ABCC4: variants seen among roughly 807,000 people sequenced by gnomAD.
ABCC4 encodes ATP binding cassette subfamily C member 4 (PEL blood group).
ABCC4 carries 102 observed loss-of-function variants against 168.5 expected under a neutral mutation model. The observed-to-expected ratio is 0.61, with a 90% CI of 0.52 to 0.71. ABCC4 has a LOEUF of 0.71. Among genes scored for constraint, ABCC4 ranks in the 30% least tolerant of loss-of-function variants. The pLI is 0.00. For synonymous variants in ABCC4, 617 were observed against 590.7 expected, an observed-to-expected ratio of 1.04 and a Z score of -0.65; for missense variants, 1,402 against 1,605.8, an observed-to-expected ratio of 0.87 and a Z score of 2.17.
At chr13:95,124,050 T>C (rs1229178857) in intron 19 of ABCC4, among the ~76,000 whole-genome samples, 2 of 152,148 alleles carry the variant, frequency 1.3e-5, no homozygotes, top group Non-Finnish European at 2.9e-5. Flanking sequence ...TAAGGTGTGC[T>C]GATAGGAGAG....
chr13:95,235,257 G>A (rs2138760709), intron 3 of ABCC4, among the ~76,000 whole-genome samples: 1 of 152,224 alleles, frequency 6.6e-6, no homozygotes, highest in South Asian at 2.1e-4. Context: ...TAAAAGAAAA[G>A]CAGAACTGTT....
intron 3 of ABCC4, among the ~76,000 whole-genome samples, chr13:95,237,062 C>T (rs989930340): frequency 5.9e-5 from 9 of 152,172 alleles, no homozygotes; most frequent in Admixed American, 1.3e-4. Context: ...ACCTGTTACA[C>T]GCTTCTCCAT....
At chr13:95,136,475 G>C (rs1415786825) in intron 19 of ABCC4, among the ~76,000 whole-genome samples, 1 of 152,160 alleles carries the variant, frequency 6.6e-6, no homozygotes, top group Non-Finnish European at 1.5e-5. Context: ...TTTGAAAAAA[G>C]AAAGAGAAGC....
chr13:95,161,368 G>A, intron 18 of ABCC4, 33 bp from the exon 19 acceptor site: 1 of 1,473,946 alleles, frequency 6.8e-7, no homozygotes, highest in Non-Finnish European at 9.0e-7. Flanking sequence ...AGAGAACACA[G>A]CATATCTCTG....
At chr13:95,233,766 A>AT (rs1235901589) in intron 4 of ABCC4, among the ~76,000 whole-genome samples, 4 of 152,206 alleles carry the variant, frequency 2.6e-5, no homozygotes, top group African/African-American at 7.2e-5. Flanking sequence ...GCATCCTCCA[A>AT]TTTTTTTGTA....
chr13:95,043,503 G>C (rs536823587), intron 29 of ABCC4, 179 bp downstream of exon 29: 17 of 511,380 alleles, frequency 3.3e-5, no homozygotes, highest in Non-Finnish European at 4.9e-5. Flanking sequence ...AGATACATTG[G>C]ATATATTGTT....
intron 1 of ABCC4, among the ~76,000 whole-genome samples, chr13:95,291,511 T>C (rs1420275289): frequency 6.6e-6 from 1 of 152,186 alleles, no homozygotes; most frequent in Admixed American, 6.6e-5. Context: ...TGCCACAACC[T>C]AGAGGACATT....
At chr13:95,250,062 C>A (rs923873224) in intron 1 of ABCC4, among the ~76,000 whole-genome samples, 1 of 152,208 alleles carries the variant, frequency 6.6e-6, no homozygotes, top group Non-Finnish European at 1.5e-5. Flanking sequence ...TGGGTACCAG[C>A]AAGAGCTAAA....
At chr13:95,218,937 G>GA (rs1491298008) in intron 4 of ABCC4, among the ~76,000 whole-genome samples, 2 of 23,736 alleles carry the variant, frequency 8.4e-5, no homozygotes, top group Admixed American at 3.6e-4. Context: ...GAGAAAGAAA[G>GA]AAAGAAAGAA....
rs567765830 is a variant in ABCC4 at position 95,186,884 on chromosome 13, C to A, written c.1362G>T (p.Leu454=). 8.1e-6 allele frequency: 13 copies of A among 1,610,140 alleles called. No individual in the cohort carries two copies. The highest frequency in any genetic ancestry group is 3.3e-4 in the Middle Eastern group (2 of 6,064). The change falls in exon 11 of 31, where the codon CTG becomes CTT. Residue 454 remains leucine, a synonymous_variant. Transcript: ENST00000645237. ...VGPVGAGKSS[L]LSAVLGELAP... ...CCAATTCCCCGAGCACGGCACTTAA[C>A]AGTGATGACTGAAACAGATTGTAAA...
At chr13:95,075,341 T>A in intron 22 of ABCC4, 91 bp downstream of exon 22, 1 of 1,553,204 alleles carries the variant, frequency 6.4e-7, no homozygotes, top group Non-Finnish European at 8.8e-7. Flanking sequence ...GGCCCTGAGG[T>A]GCCTGCCAAC....
chr13:95,049,312 C>T (rs566420623), intron 27 of ABCC4, among the ~76,000 whole-genome samples: 13 of 150,298 alleles, frequency 8.6e-5, no homozygotes, highest in African/African-American at 2.7e-4. Context: ...CCAGCCTGGG[C>T]GACAGAGCAA....
intron 4 of ABCC4, among the ~76,000 whole-genome samples, chr13:95,212,711 T>C (rs1442097743): frequency 1.3e-5 from 2 of 151,680 alleles, no homozygotes; most frequent in African/African-American, 2.4e-5. Flanking sequence ...CGGGTTGTAA[T>C]AGAAGTTAAC....
Position 95,115,915 on chromosome 13 carries a change from A to C in ABCC4, c.2535+7T>G. 2 of 1,609,966 alleles carry C rather than the reference A, an allele frequency of 1.2e-6. No homozygotes were observed. Among genetic ancestry groups the C allele is most frequent in the Non-Finnish European group, 1.7e-6 (2 of 1,177,644 alleles). The stretch of plus-strand genomic sequence containing the variant: ...ATTTGAGATCCTGACATTACTCTCA[A>C]CGTTACCTGGATGAAATCTAAAAAC... On this transcript the variant is annotated splice_region_variant and intron_variant, in intron 20 of 30. Coordinates refer to ENST00000645237, the MANE Select transcript of ABCC4 (RefSeq NM_005845.5).
chr13:95,026,353 AC>A lies in ABCC4; in HGVS notation c.3871-4672del, dbSNP rs764451401. Among the ~76,000 whole-genome samples the A allele has an allele frequency of 3.2e-3, 403 of 125,296 alleles. 3 individuals are homozygous for A. The highest frequency in any genetic ancestry group is 2.1e-3 in the Non-Finnish European group (111 of 53,440). 82.2% of individuals were successfully genotyped at this position (125,296 alleles called of 152,430 possible). ...ACACAGGATAGGATTGAGCAAACAA[AC>A]AAAATAACTAAAAGTTAATAAAGAA... On this transcript the variant is annotated intron_variant, in intron 30 of 30. Coordinates refer to ENST00000645237, the MANE Select transcript of ABCC4 (RefSeq NM_005845.5).
intron 19 of ABCC4, among the ~76,000 whole-genome samples, chr13:95,149,140 T>G (rs538263269): frequency 9.6e-4 from 146 of 152,330 alleles, no homozygotes; most frequent in Non-Finnish European, 1.7e-3. Flanking sequence ...GTGTTCCCTT[T>G]TATTACCCCG....
chr13:95,072,712 C>T (rs1044579623), intron 24 of ABCC4, among the ~76,000 whole-genome samples: 2 of 152,218 alleles, frequency 1.3e-5, no homozygotes, highest in Non-Finnish European at 2.9e-5. Flanking sequence ...CAAGAGGAGG[C>T]TTTCTGTACC....
rs746407053 is a variant in ABCC4, at chr13:95,209,598, C to T, written c.622-1G>A. 1.2e-6 allele frequency: 2 copies of T among 1,609,288 alleles called. No homozygotes were observed. Among genetic ancestry groups the T allele is most frequent in the Non-Finnish European group, 1.7e-6 (2 of 1,177,742 alleles). On this transcript the variant is annotated splice_acceptor_variant, in intron 5 of 30. Transcript: ENST00000645237. LOFTEE classifies it high-confidence loss of function. ...ACAGGAAGTGTAAGAACACTGTCAC[C>T]TTTAAAGAAAAAGACAGAGCGTTCT...
chr13:95,173,559 C>A (rs916510031), intron 13 of ABCC4, among the ~76,000 whole-genome samples: 1 of 152,212 alleles, frequency 6.6e-6, no homozygotes, highest in Admixed American at 6.5e-5. Context: ...CTTCCAGGCA[C>A]CCCAAAGAAG....
Sources: allele counts gnomAD v4.1 joint callset (sites outside exome capture counted in the v4.1 genomes callset), GRCh38; gene constraint gnomAD v4.1.1; transcripts MANE v1.5; gene names NCBI Gene and HGNC (gene_info 2026-07-23, HGNC 2026-07-21).